The following TMEM135 variants were observed in gnomAD, a reference collection of about 807,000 sequenced individuals.
TMEM135 encodes transmembrane protein 135, also known as peroxisomal membrane protein 52.
Under a neutral mutation model 60.3 loss-of-function variants are expected in TMEM135, and 30 were observed. The ratio of observed to expected loss-of-function variants is 0.50; its 90% CI spans 0.37 to 0.68. The LOEUF (loss-of-function observed/expected upper bound fraction) is 0.68, where lower values mean the gene tolerates loss of function less well. TMEM135 is among the 30% of genes least tolerant of loss of function. TMEM135 has a pLI of 0.00. For synonymous variants in TMEM135, 190 were observed against 186.7 expected, an observed-to-expected ratio of 1.02 and a Z score of -0.14; for missense variants, 468 against 548.8, an observed-to-expected ratio of 0.85 and a Z score of 1.47.
chr11:87,235,193 A>G (rs573710374), intron 5 of TMEM135, among the ~76,000 whole-genome samples: 2 of 151,902 alleles, frequency 1.3e-5, no homozygotes, highest in South Asian at 2.1e-4. Context: ...GCTTTAAGTT[A>G]TGTTTCTAAA....
rs142027955 is a variant in TMEM135 at position 87,120,176 on chromosome 11, A to T, written c.396+28781A>T. ...CATCCAGGCTGGGGTGCAGTGGTGC[A>T]ATCACAGCTCACTGTAACCTTGATC... On this transcript the variant is annotated intron_variant, in intron 4 of 14. Coordinates refer to ENST00000305494, the MANE Select transcript of TMEM135 (RefSeq NM_022918.4). Among the ~76,000 whole-genome samples the T allele has an allele frequency of 3.9e-3, 551 of 142,250 alleles. 8 individuals carry two copies. The highest frequency in any genetic ancestry group is 0.014 in the African/African-American group (529 of 38,518). The allele number at this position is 142,250 out of a possible 152,430, so 93.3% of individuals were successfully genotyped here.
chr11:87,179,936 T>G (rs916311423), intron 5 of TMEM135, among the ~76,000 whole-genome samples: 9 of 145,538 alleles, frequency 6.2e-5, no homozygotes, highest in African/African-American at 2.4e-4. Flanking sequence ...TTCTGTTTTT[T>G]TCTGTTGTTG....
intron 6 of TMEM135, among the ~76,000 whole-genome samples, chr11:87,251,347 CA>C (rs1239275256): frequency 6.6e-6 from 1 of 152,126 alleles, no homozygotes; most frequent in Non-Finnish European, 1.5e-5. Flanking sequence ...GTCAGTAAAG[CA>C]GAGGCCAGAG....
chr11:87,306,508 C>T (rs1448125601), intron 9 of TMEM135, among the ~76,000 whole-genome samples: 2 of 152,028 alleles, frequency 1.3e-5, no homozygotes, highest in East Asian at 1.9e-4. Flanking sequence ...GGAGCATGTC[C>T]ACAGTTGCTC....
At chr11:87,091,822 CCAAA>C (rs1318543239) in intron 4 of TMEM135, among the ~76,000 whole-genome samples, 3 of 152,008 alleles carry the variant, frequency 2.0e-5, no homozygotes, top group Non-Finnish European at 2.9e-5. Flanking sequence ...GGTACTATCT[CCAAA>C]CACTCAGTGC....
Position 87,087,704 on chromosome 11 carries a change from C to G in TMEM135, c.363-3658C>G, listed in dbSNP as rs144355589. Among the ~76,000 whole-genome samples, 1,378 of 152,176 alleles carry G rather than the reference C, an allele frequency of 9.1e-3. 15 individuals are homozygous for G. Among genetic ancestry groups the G allele is most frequent in the South Asian group, 0.016 (78 of 4,816 alleles). ...TTCACATAGGCTTTTAAAATTGGCT[C>G]TGATGGAATTCTATTCCATACGGAA... On this transcript the variant is annotated intron_variant, in intron 3 of 14. Coordinates refer to ENST00000305494, the MANE Select transcript of TMEM135 (RefSeq NM_022918.4).
intron 3 of TMEM135, among the ~76,000 whole-genome samples, chr11:87,083,797 T>A (rs1410327437): frequency 6.6e-6 from 1 of 152,160 alleles, no homozygotes; most frequent in East Asian, 1.9e-4. Flanking sequence ...GGAAGTATTT[T>A]TATACCTTCT....
At chr11:87,276,691 TG>T (rs1444368667) in intron 6 of TMEM135, among the ~76,000 whole-genome samples, 2 of 124,984 alleles carry the variant, frequency 1.6e-5, no homozygotes, top group Non-Finnish European at 3.5e-5. Context: ...TTTTTTGAGA[TG>T]GAGTCTAGCT....
chr11:87,209,378 C>G (rs1004800964), intron 5 of TMEM135, among the ~76,000 whole-genome samples: 14 of 152,064 alleles, frequency 9.2e-5, no homozygotes, highest in African/African-American at 3.4e-4. Flanking sequence ...AAATGGAAAA[C>G]AAGAGCTGGG....
intron 5 of TMEM135, among the ~76,000 whole-genome samples, chr11:87,218,294 G>A (rs1940545807): frequency 6.6e-6 from 1 of 152,042 alleles, no homozygotes; most frequent in Admixed American, 6.5e-5. Flanking sequence ...AAACTTATCT[G>A]GGCCTGAAGT....
chr11:87,150,508 A>C (rs534876307), intron 4 of TMEM135, among the ~76,000 whole-genome samples: 1 of 152,278 alleles, frequency 6.6e-6, no homozygotes, highest in East Asian at 1.9e-4. Context: ...GTAATACATA[A>C]ATTTTGTTTA....
chr11:87,305,177 A>G (rs920783309), intron 8 of TMEM135, among the ~76,000 whole-genome samples: 4 of 152,128 alleles, frequency 2.6e-5, no homozygotes, highest in Admixed American at 6.5e-5. Context: ...TAACCTGAGC[A>G]TGTTCTCATT....
At position 87,328,688 on chromosome 11, in the gene TMEM135, T is replaced by C. The variant is rs1246851633; in HGVS notation, c.*7355T>C. 8.8e-6 allele frequency: 4 copies of C among 454,112 alleles called. No individual in the cohort carries two copies. Among genetic ancestry groups the C allele is most frequent in the Non-Finnish European group, 1.3e-5 (3 of 226,786 alleles). 28.1% of individuals were successfully genotyped at this position (454,112 alleles called of 1,614,324 possible). A position where few individuals can be genotyped will look rare whatever the true frequency, so the allele number is the denominator to read the frequency against. On this transcript the variant is annotated 3_prime_UTR_variant, in exon 15 of 15. Transcript: ENST00000305494. ...AAGACATTATTTCATCTTTTATTTT[T>C]TATGGCTGAGTAGTATTCCATGGTG...
At chr11:87,206,657 C>G (rs540560400) in intron 5 of TMEM135, among the ~76,000 whole-genome samples, 37 of 152,078 alleles carry the variant, frequency 2.4e-4, no homozygotes, top group Non-Finnish European at 4.7e-4. Flanking sequence ...TTATTATATA[C>G]ACATCATTGA....
intron 3 of TMEM135, among the ~76,000 whole-genome samples, chr11:87,078,533 CT>C (rs1489382855): frequency 1.3e-5 from 2 of 152,088 alleles, no homozygotes; most frequent in Non-Finnish European, 2.9e-5. Flanking sequence ...TGTTTTTTCA[CT>C]TCATTGATCT....
At chr11:87,228,818 T>G (rs144626661) in intron 5 of TMEM135, among the ~76,000 whole-genome samples, 13 of 152,346 alleles carry the variant, frequency 8.5e-5, no homozygotes, top group African/African-American at 1.4e-4. Flanking sequence ...AAAAACAGCT[T>G]TCTTTAACAG....
At chr11:87,124,055 C>T (rs1362172589) in intron 4 of TMEM135, among the ~76,000 whole-genome samples, 2 of 152,310 alleles carry the variant, frequency 1.3e-5, no homozygotes, top group African/African-American at 4.8e-5. Context: ...CTTAACATTG[C>T]TCCTTGCAAT....
intron 3 of TMEM135, among the ~76,000 whole-genome samples, chr11:87,077,669 C>T (rs1856902537): frequency 6.6e-6 from 1 of 152,186 alleles, no homozygotes; most frequent in Non-Finnish European, 1.5e-5. Flanking sequence ...AATATATTCA[C>T]AAAGTTGTTT....
At chr11:87,209,181 G>A (rs1384649668) in intron 5 of TMEM135, among the ~76,000 whole-genome samples, 2 of 152,142 alleles carry the variant, frequency 1.3e-5, no homozygotes, top group African/African-American at 4.8e-5. Flanking sequence ...ACAATGACAG[G>A]ATCAAATCCT....
Sources: allele counts gnomAD v4.1 joint callset (sites outside exome capture counted in the v4.1 genomes callset), GRCh38; gene constraint gnomAD v4.1.1; transcripts MANE v1.5; gene names NCBI Gene and HGNC (gene_info 2026-07-23, HGNC 2026-07-21).